ZNF469: variants seen among roughly 807,000 people sequenced by gnomAD.
The protein encoded by ZNF469 is zinc finger protein 469.
A neutral mutation model predicts 1.0 loss-of-function variants in ZNF469; 1 was observed. The ratio of observed to expected loss-of-function variants is 1.00; its 90% CI spans 0.35 to 4.73. The LOEUF is 4.73. Among genes scored for constraint, ZNF469 ranks in the 30% most tolerant of loss-of-function variants. The probability of loss-of-function intolerance (pLI) is 0.16; values close to 1 mark genes in which losing one functional copy is unlikely to be tolerated. For missense variants in ZNF469, 6,100 were observed against 5,356.3 expected, an observed-to-expected ratio of 1.14 and a Z score of -4.33; for synonymous variants, 2,703 against 2,363.4, an observed-to-expected ratio of 1.14 and a Z score of -4.17.
the ZNF469 span, among the ~76,000 whole-genome samples, chr16:88,223,677 G>C: frequency 6.6e-6 from 1 of 152,228 alleles, no homozygotes; most frequent in Non-Finnish European, 1.5e-5. Context: ...TTTGCTGAAG[G>C]AATGTGGGGA....
Position 88,436,092 on chromosome 16 carries a change from C to T in ZNF469, c.8622C>T (p.Asn2874=), listed in dbSNP as rs1317947967. ...PPGGRLTRKR[N]PHVYGKRCEK... ...GCGGTCGCTTGACTAGAAAGAGGAACCCGCATGTCTACGGGAAGCGCTGTG... is the reference window on the plus strand; with the variant it reads ...GCGGTCGCTTGACTAGAAAGAGGAATCCGCATGTCTACGGGAAGCGCTGTG... The change falls in exon 3 of 3, where the codon AAC becomes AAT. Residue 2874 remains asparagine (N), a synonymous_variant. Coordinates refer to ENST00000565624, the MANE Select transcript of ZNF469 (RefSeq NM_001367624.2). 2 of 1,549,876 alleles carry T rather than the reference C, an allele frequency of 1.3e-6. No homozygotes were observed. The highest frequency in any genetic ancestry group is 8.7e-7 in the Non-Finnish European group (1 of 1,146,976).
chr16:88,165,304 C>T, the ZNF469 span, among the ~76,000 whole-genome samples: 12 of 152,258 alleles, frequency 7.9e-5, no homozygotes, highest in East Asian at 3.8e-4. Context: ...CACGCCACCC[C>T]GGGTAGCCGA....
At chr16:88,156,447 C>G in the ZNF469 span, among the ~76,000 whole-genome samples, 1 of 152,324 alleles carries the variant, frequency 6.6e-6, no homozygotes, top group East Asian at 1.9e-4. Flanking sequence ...TCCTATTGCA[C>G]ATGGATATCC....
intron 1 of ZNF469, among the ~76,000 whole-genome samples, chr16:88,397,203 C>A (rs898326506): frequency 1.7e-4 from 26 of 152,244 alleles, no homozygotes; most frequent in Admixed American, 1.6e-3. Flanking sequence ...TGAGTTCCAG[C>A]AAAGGACCCA....
At chr16:88,256,858 T>G in the ZNF469 span, among the ~76,000 whole-genome samples, 1 of 150,326 alleles carries the variant, frequency 6.7e-6, no homozygotes, top group Non-Finnish European at 1.5e-5. Context: ...CTTCCTTCCT[T>G]TTTCCTTCCT....
chr16:88,349,075 G>A, the ZNF469 span, among the ~76,000 whole-genome samples: 1 of 152,180 alleles, frequency 6.6e-6, no homozygotes, highest in Non-Finnish European at 1.5e-5. Context: ...AAGATCCACA[G>A]GCCAGCATGG....
the ZNF469 span, among the ~76,000 whole-genome samples, chr16:88,247,539 A>C: frequency 1.3e-5 from 2 of 151,456 alleles, no homozygotes; most frequent in African/African-American, 4.9e-5. Context: ...TGAGTGAGTG[A>C]ATGAGTGAAT....
chr16:88,428,361 C>G lies in ZNF469; in HGVS notation c.891C>G (p.Phe297Leu), dbSNP rs770483852. 356 of 1,548,902 alleles carry G rather than the reference C, an allele frequency of 2.3e-4. 1 individual carries two copies. The highest frequency in any genetic ancestry group is 3.0e-4 in the Non-Finnish European group (339 of 1,146,916). The change falls in exon 3 of 3, where the codon TTC (phenylalanine) becomes TTG (leucine). Residue 297 changes from phenylalanine (F) to leucine (L), a missense_variant. By Grantham distance (22) the Phe-to-Leu change is conservative. Coordinates refer to ENST00000565624, the MANE Select transcript of ZNF469 (RefSeq NM_001367624.2). ...PFPADVAGHA[F>L]TNGPLVFAFH... The stretch of plus-strand genomic sequence containing the variant: ...CTGCGGATGTGGCTGGGCACGCATT[C>G]ACCAATGGGCCACTGGTGTTTGCCT...
chr16:88,289,189 AT>A, the ZNF469 span, among the ~76,000 whole-genome samples: 3 of 148,118 alleles, frequency 2.0e-5, no homozygotes, highest in Admixed American at 1.3e-4. Flanking sequence ...GTTGATGATG[AT>A]TAGGTTGATG....
In ZNF469 at chr16:88,429,589, C is replaced by T. The variant is rs188954563; in HGVS notation, c.2119C>T (p.Arg707Cys). 173 of 1,549,620 alleles carry T rather than the reference C, an allele frequency of 1.1e-4. 1 individual carries two copies. In the East Asian group the frequency reaches 2.0e-3, roughly 18 times the overall value. The change falls in exon 3 of 3, where the codon CGT becomes TGT. Residue 707 changes from arginine (R) to cysteine (C), a missense_variant. Physicochemically the swap from Arg to Cys is radical, Grantham distance 180. Transcript: ENST00000565624. ...TCGGGGAGGGCTGCAGGGCTTCCCC[C>T]GTGCGCCGCCTCCGTACCCCACACA... ...VGRGGLQGFPRAPPPYPTHHF... is the reference protein window; with the variant it reads ...VGRGGLQGFPCAPPPYPTHHF...
At chr16:88,122,487 C>T in the ZNF469 span, among the ~76,000 whole-genome samples, 8 of 150,388 alleles carry the variant, frequency 5.3e-5, no homozygotes, top group East Asian at 1.7e-3. Flanking sequence ...TCCCGTCACT[C>T]GCTATGGCCA....
At chr16:88,233,574 C>A in the ZNF469 span, among the ~76,000 whole-genome samples, 1 of 152,236 alleles carries the variant, frequency 6.6e-6, no homozygotes, top group Admixed American at 6.5e-5. Flanking sequence ...AGCAGCTGGC[C>A]TTGACTGGGT....
At chr16:88,219,623 A>G in the ZNF469 span, among the ~76,000 whole-genome samples, 3 of 151,158 alleles carry the variant, frequency 2.0e-5, no homozygotes, top group Non-Finnish European at 4.4e-5. Context: ...TCAATTCAAG[A>G]TGGATTAAAG....
chr16:88,350,703 A>G, the ZNF469 span, among the ~76,000 whole-genome samples: 1 of 152,182 alleles, frequency 6.6e-6, no homozygotes, highest in Non-Finnish European at 1.5e-5. Context: ...CAAGCTCCTC[A>G]ATGCTGAGCC....
the ZNF469 span, among the ~76,000 whole-genome samples, chr16:88,129,469 T>G: frequency 2.6e-5 from 4 of 152,276 alleles, no homozygotes; most frequent in African/African-American, 9.6e-5. Flanking sequence ...TGCATTGCAT[T>G]GATTTATGCA....
chr16:88,371,341 G>A, the ZNF469 span, among the ~76,000 whole-genome samples: 1 of 152,218 alleles, frequency 6.6e-6, no homozygotes, highest in Non-Finnish European at 1.5e-5. Flanking sequence ...TAAAACCCAT[G>A]CACAGCCATA....
chr16:88,197,742 G>A, the ZNF469 span, among the ~76,000 whole-genome samples: 9 of 152,222 alleles, frequency 5.9e-5, no homozygotes, highest in South Asian at 2.1e-4. Context: ...CCCCAGGGCC[G>A]GAAGGTCCAC....
the ZNF469 span, among the ~76,000 whole-genome samples, chr16:88,258,944 G>A: frequency 8.6e-4 from 130 of 151,572 alleles, 1 homozygote; most frequent in African/African-American, 3.0e-3. Flanking sequence ...CCTTGTCCGT[G>A]GGGTGGTAGA....
chr16:88,155,254 G>C, the ZNF469 span, among the ~76,000 whole-genome samples: 1 of 152,264 alleles, frequency 6.6e-6, no homozygotes, highest in African/African-American at 2.4e-5. Context: ...CCATTGGTGT[G>C]TGTGCAGCCC....
Sources: allele counts gnomAD v4.1 joint callset (sites outside exome capture counted in the v4.1 genomes callset), GRCh38; gene constraint gnomAD v4.1.1; transcripts MANE v1.5; gene names NCBI Gene and HGNC (gene_info 2026-07-23, HGNC 2026-07-21).